Variants in CREBBP observed in about 807,000 individuals in gnomAD.
The protein encoded by CREBBP is CREB-binding protein.
Under a neutral mutation model 265.0 loss-of-function variants are expected in CREBBP, and 19 were observed. The observed-to-expected ratio is 0.07, with a 90% CI of 0.05 to 0.11. CREBBP has a LOEUF of 0.11. Ranked by LOEUF, CREBBP falls within the 10% of genes least tolerant of loss-of-function variation. The pLI, the probability that CREBBP is intolerant of heterozygous loss-of-function variation, is 1.00. For missense variants in CREBBP, 2,525 were observed against 3,219.0 expected, an observed-to-expected ratio of 0.78 and a Z score of 5.22; for synonymous variants, 1,457 against 1,223.7, an observed-to-expected ratio of 1.19 and a Z score of -3.98.
At chr16:3,737,987 C>T (rs1375468235) in intron 26 of CREBBP, among the ~76,000 whole-genome samples, 2 of 151,964 alleles carry the variant, frequency 1.3e-5, no homozygotes, top group Non-Finnish European at 1.5e-5. Context: ...AGGGTTTCAC[C>T]ATGTTGGTCA....
intron 1 of CREBBP, among the ~76,000 whole-genome samples, chr16:3,868,925 T>A (rs1328881393): frequency 6.6e-6 from 1 of 152,144 alleles, no homozygotes; most frequent in African/African-American, 2.4e-5. Flanking sequence ...CAAGACTGGA[T>A]CCCGGGCCGA....
chr16:3,834,271 A>G (rs2054399301), intron 2 of CREBBP, among the ~76,000 whole-genome samples: 1 of 152,230 alleles, frequency 6.6e-6, no homozygotes, highest in Non-Finnish European at 1.5e-5. Context: ...ACTGGTATTT[A>G]CCCAAAACAG....
intron 4 of CREBBP, 35 bp from the exon 5 acceptor site, chr16:3,792,129 T>C (rs2141281198): frequency 1.3e-6 from 2 of 1,515,762 alleles, no homozygotes; most frequent in East Asian, 2.3e-5. Context: ...GTTATTTTTC[T>C]ATCCAAATCG....
At chr16:3,804,333 A>G (rs2053785827) in intron 3 of CREBBP, among the ~76,000 whole-genome samples, 2 of 152,202 alleles carry the variant, frequency 1.3e-5, no homozygotes, top group South Asian at 2.1e-4. Flanking sequence ...TACAGGTTCT[A>G]AGGATTAGAG....
Position 3,744,975 on chromosome 16 carries a change from G to T in CREBBP, c.3915-14C>A, listed in dbSNP as rs778245082. 2.5e-6 allele frequency: 4 copies of T among 1,588,228 alleles called. No individual in the cohort carries two copies. In the African/African-American group the frequency reaches 5.4e-5, roughly 21 times the overall value. ...TCGCACACAAAACTGCAAAATAATA[G>T]TGGTATGATGAGACTGTATATAATG... On this transcript the variant is annotated splice_polypyrimidine_tract_variant and intron_variant, in intron 22 of 30. Coordinates refer to ENST00000262367, the MANE Select transcript of CREBBP (RefSeq NM_004380.3).
intron 1 of CREBBP, among the ~76,000 whole-genome samples, chr16:3,855,598 G>A (rs2054944788): frequency 6.6e-6 from 1 of 152,180 alleles, no homozygotes; most frequent in Non-Finnish European, 1.5e-5. Flanking sequence ...GAGGCCAGTT[G>A]TTATTGTAGA....
At chr16:3,759,006 A>C (rs1057176219) in intron 16 of CREBBP, 34 bp from the exon 17 acceptor site, 3 of 1,514,146 alleles carry the variant, frequency 2.0e-6, no homozygotes, top group Non-Finnish European at 2.8e-6. Context: ...GACACTTTGT[A>C]AAAGGTGCTC....
At position 3,727,653 on chromosome 16, in the gene CREBBP, A is replaced by G. The variant is rs2051780596; in HGVS notation, c.*65T>C. On this transcript the variant is annotated 3_prime_UTR_variant, in exon 31 of 31. Transcript: ENST00000262367. ...CCATCTAGGAATAAAAAGAACCTAG[A>G]TGCCTGGATTTTCAGTACAAAAGGT... 4.3e-6 allele frequency: 7 copies of G among 1,613,498 alleles called. No individual in the cohort carries two copies. Among genetic ancestry groups the G allele is most frequent in the Middle Eastern group, 1.6e-4 (1 of 6,062 alleles).
chr16:3,732,088 T>C (rs531874828), intron 28 of CREBBP, 151 bp from the exon 29 acceptor site: 2 of 1,427,646 alleles, frequency 1.4e-6, no homozygotes, highest in South Asian at 1.2e-5. Flanking sequence ...CAGGTGGCTG[T>C]AGGTGCTGCA....
rs369215519 is a variant in CREBBP, at chr16:3,727,852, G to A, written c.7195C>T (p.His2399Tyr). Reference sequence around the variant, plus strand: ...GCACTCTGTTCGGGGTTCCCCAAGTGTCCCTGATCTATGGAGCTGGCCATG... The same window carrying A: ...GCACTCTGTTCGGGGTTCCCCAAGTATCCCTGATCTATGGAGCTGGCCATG... Reference protein sequence around the residue: ...VTMASSIDQGHLGNPEQSAML... With the variant: ...VTMASSIDQGYLGNPEQSAML... The change falls in exon 31 of 31, where the codon CAC becomes TAC. Residue 2399 changes from histidine (H) to tyrosine (Y), a missense_variant. Physicochemically the swap from His to Tyr is moderately conservative, Grantham distance 83. Around this residue, in one of 19 missense-constraint regions of CREBBP, gnomAD observed 473 missense variants for 459.3 expected, o/e 1.03. Transcript: ENST00000262367. The A allele has an allele frequency of 7.0e-5, 113 of 1,613,998 alleles. No individual in the cohort carries two copies. The highest frequency in any genetic ancestry group is 1.8e-4 in the Admixed American group (11 of 60,002).
At chr16:3,732,953 G>A (rs1302334591) in intron 28 of CREBBP, among the ~76,000 whole-genome samples, 1 of 152,054 alleles carries the variant, frequency 6.6e-6, no homozygotes, top group African/African-American at 2.4e-5. Context: ...GCCCGCCTGA[G>A]CCTCCCAAAG....
intron 19 of CREBBP, among the ~76,000 whole-genome samples, chr16:3,757,033 CTCTT>C (rs1165072084): frequency 1.3e-5 from 2 of 152,138 alleles, no homozygotes; most frequent in African/African-American, 4.8e-5. Context: ...GCCACTTTTT[CTCTT>C]TTTTTTTCTT....
In CREBBP at chr16:3,728,971, G is replaced by A. The variant is rs2151306313; in HGVS notation, c.6076C>T (p.Leu2026Phe). The change falls in exon 31 of 31, where the codon CTT (leucine) becomes TTT (phenylalanine). Residue 2026 changes from leucine (L) to phenylalanine (F), a missense_variant. By Grantham distance (22) the Leu-to-Phe change is conservative. This residue lies in a region of CREBBP where 275 missense variants were observed against 276.5 expected (regional missense o/e 0.99). Coordinates refer to ENST00000262367, the MANE Select transcript of CREBBP (RefSeq NM_004380.3). The surrounding 1 kb of genome is among the most constrained non-coding windows in gnomAD (Gnocchi z 8.7). The part of the protein sequence containing the change: ...MPPGQWQQAP[L>F]PQQQPMPGLP... ...CCTGGCATGGGCTGCTGCTGGGGAA[G>A]GGGCGCCTGCTGCCACTGCCCGGGA... is the stretch of plus-strand genomic sequence containing the variant. The A allele has an allele frequency of 6.3e-7, 1 of 1,596,664 alleles. No individual in the cohort carries two copies. The highest frequency in any genetic ancestry group is 1.1e-5 in the South Asian group (1 of 90,396).
Position 3,793,602 on chromosome 16 carries a change from T to C in CREBBP, c.1000A>G (p.Ile334Val). Residue 334 changes from isoleucine to valine, a missense_variant, in exon 4 of 31, where the codon ATT (isoleucine) becomes GTT (valine). Physicochemically the swap from Ile to Val is conservative, Grantham distance 29. Around this residue, in one of 19 missense-constraint regions of CREBBP, gnomAD observed 126 missense variants for 171.9 expected, o/e 0.73. Transcript: ENST00000262367. ...NMSQMQTSVG[I>V]VPTQAIATGP... The stretch of plus-strand genomic sequence containing the variant: ...GTTGCAATTGCTTGTGTGGGTACAA[T>C]TCCCACTGATGTTTGCATCTGAGAC... The C allele has an allele frequency of 1.2e-6, 2 of 1,613,352 alleles. No homozygotes were observed. The highest frequency in any genetic ancestry group is 1.7e-6 in the Non-Finnish European group (2 of 1,179,998).
At chr16:3,798,824 T>C (rs928520229) in intron 3 of CREBBP, among the ~76,000 whole-genome samples, 1 of 152,220 alleles carries the variant, frequency 6.6e-6, no homozygotes, top group African/African-American at 2.4e-5. Flanking sequence ...CTGCAATTCC[T>C]ATTTTAGGTA....
intron 5 of CREBBP, among the ~76,000 whole-genome samples, chr16:3,785,648 C>A (rs984310233): frequency 1.3e-5 from 2 of 152,364 alleles, no homozygotes; most frequent in Admixed American, 6.5e-5. Context: ...TGGAACTGAA[C>A]AGAAATGCAC....
At chr16:3,819,015 TC>T (rs1406856126) in intron 2 of CREBBP, among the ~76,000 whole-genome samples, 1 of 152,242 alleles carries the variant, frequency 6.6e-6, no homozygotes, top group Non-Finnish European at 1.5e-5. Flanking sequence ...TCTGTCTCCT[TC>T]AAGTTCACCG....
chr16:3,782,245 T>C (rs922856100), intron 6 of CREBBP, among the ~76,000 whole-genome samples: 1 of 152,190 alleles, frequency 6.6e-6, no homozygotes, highest in Non-Finnish European at 1.5e-5. Context: ...AGGACTCCTG[T>C]CATTGTCATT....
intron 2 of CREBBP, among the ~76,000 whole-genome samples, chr16:3,822,560 C>T (rs1020520699): frequency 3.9e-5 from 6 of 152,246 alleles, no homozygotes; most frequent in South Asian, 2.1e-4. Flanking sequence ...TGGGAGGTGA[C>T]GTGAGGCTGC....
Sources: gnomAD v4.1 joint callset for allele counts (sites outside exome capture counted in the v4.1 genomes callset) on GRCh38, gnomAD v4.1.1 for gene constraint, gnomAD v4.1.1 regional missense constraint, Gnocchi (gnomAD v3.1) non-coding constraint, MANE v1.5 for transcripts, NCBI Gene and HGNC (gene_info 2026-07-23, HGNC 2026-07-21) for gene names.